Variants in PIK3C2A observed in about 807,000 individuals in gnomAD.
PIK3C2A encodes phosphatidylinositol 4-phosphate 3-kinase C2 domain-containing subunit alpha.
Under a neutral mutation model 204.5 loss-of-function variants are expected in PIK3C2A, and 97 were observed. The observed-to-expected ratio is 0.47, with a 90% CI of 0.40 to 0.56. The LOEUF is 0.56. PIK3C2A is among the 20% of genes least tolerant of loss of function. PIK3C2A has a pLI of 0.00. For missense variants in PIK3C2A, 1,735 were observed against 1,969.2 expected (o/e 0.88, Z 2.25); for synonymous variants, 653 against 664.4 (o/e 0.98, Z 0.26).
intron 22 of PIK3C2A, among the ~76,000 whole-genome samples, chr11:17,105,798 A>G (rs1848791911): frequency 6.6e-6 from 1 of 152,142 alleles, no homozygotes; most frequent in African/African-American, 2.4e-5. Context: ...ACCAGCTAGC[A>G]ATTGTTACCT....
chr11:17,207,976 C>G lies in PIK3C2A; in HGVS notation c.-194G>C, dbSNP rs1310599957. 2 of 152,282 alleles carry G rather than the reference C, an allele frequency of 1.3e-5. No individual in the cohort carries two copies. The highest frequency in any genetic ancestry group is 3.9e-4 in the East Asian group (2 of 5,190). The allele number at this position is 152,282 out of a possible 1,614,324, so 9.4% of individuals were successfully genotyped here. ...TCGGCCGACTCCACAGCCAGCCAAG[C>G]GCAGCACGTCACTTCCGGACAGGGA... is the stretch of plus-strand genomic sequence containing the variant. On this transcript the variant is annotated 5_prime_UTR_variant, in exon 1 of 33. Transcript: ENST00000691414.
At chr11:17,121,560 T>C (rs770384458) in intron 15 of PIK3C2A, among the ~76,000 whole-genome samples, 7 of 152,202 alleles carry the variant, frequency 4.6e-5, no homozygotes, top group Non-Finnish European at 7.3e-5. Flanking sequence ...TTTTGCCAAA[T>C]TGCTCTCCAA....
intron 1 of PIK3C2A, among the ~76,000 whole-genome samples, chr11:17,200,199 G>T (rs1271028334): frequency 6.6e-6 from 1 of 151,296 alleles, no homozygotes; most frequent in Non-Finnish European, 1.5e-5. Flanking sequence ...AAAAAAAAAG[G>T]CATTAGAAAG....
chr11:17,155,439 A>G (rs1850555265), intron 3 of PIK3C2A, 87 bp downstream of exon 3: 1 of 662,894 alleles, frequency 1.5e-6, no homozygotes, highest in East Asian at 2.8e-5. Flanking sequence ...AAAATAATTA[A>G]AATTTTTAAA....
At position 17,157,676 on chromosome 11, in the gene PIK3C2A, T is replaced by A. The variant is rs542447088; in HGVS notation, c.1066-2047A>T. 2.7e-4 allele frequency among the ~76,000 whole-genome samples: 41 copies of A among 152,236 alleles called. No homozygotes were observed. In the South Asian group the frequency reaches 8.5e-3, roughly 32 times the overall value. On this transcript the variant is annotated intron_variant, in intron 2 of 32. Transcript: ENST00000691414. ...TTTCCCTTAGGTTGTGAGAAGTTTG[T>A]TTCTGATTATTTCAAAAAGTTAATA...
intron 22 of PIK3C2A, among the ~76,000 whole-genome samples, chr11:17,106,811 C>T (rs1363551249): frequency 2.6e-5 from 4 of 152,204 alleles, no homozygotes; most frequent in Non-Finnish European, 5.9e-5. Context: ...AAGACACACA[C>T]TGTCCCACTT....
intron 2 of PIK3C2A, among the ~76,000 whole-genome samples, chr11:17,168,135 G>A (rs916341784): frequency 2.6e-5 from 4 of 151,986 alleles, no homozygotes; most frequent in African/African-American, 7.3e-5. Flanking sequence ...CTTCATTAGA[G>A]GCTTTTTATT....
chr11:17,140,943 G>T (rs1271635556), intron 8 of PIK3C2A, among the ~76,000 whole-genome samples: 1 of 152,110 alleles, frequency 6.6e-6, no homozygotes, highest in Non-Finnish European at 1.5e-5. Context: ...GTAAGGGTGA[G>T]CCATGCAAAT....
At position 17,117,549 on chromosome 11, in the gene PIK3C2A, A is replaced by G. The variant is rs755143641; in HGVS notation, c.3158T>C (p.Val1053Ala). 3.3e-5 allele frequency: 53 copies of G among 1,613,924 alleles called. 1 individual carries two copies. The Admixed American group carries it at 8.3e-4, about 25-fold the overall frequency. The change falls in exon 19 of 33, where the codon GTA (valine) becomes GCA (alanine). Residue 1053 changes from valine to alanine, a missense_variant. Val to Ala is a moderately conservative substitution (Grantham distance 64). Around this residue, in one of 6 missense-constraint regions of PIK3C2A, gnomAD observed 567 missense variants for 576.0 expected, o/e 0.98. Transcript: ENST00000691414. The part of the protein sequence containing the change: ...REELLKQTKL[V>A]QLLGGVAEKV... ...TTCTGCTACTCCTCCTAAAAGCTGT[A>G]CAAGTTTCGTCTGTTTTAGAAGTTC... is the stretch of plus-strand genomic sequence containing the variant.
intron 13 of PIK3C2A, among the ~76,000 whole-genome samples, chr11:17,128,710 ATAGAT>A (rs1849600011): frequency 6.6e-6 from 1 of 152,198 alleles, no homozygotes; most frequent in South Asian, 2.1e-4. Context: ...GAAAGGCCAT[ATAGAT>A]TATACTATCC....
At chr11:17,187,861 G>C (rs1851806977) in intron 1 of PIK3C2A, among the ~76,000 whole-genome samples, 1 of 151,982 alleles carries the variant, frequency 6.6e-6, no homozygotes. Flanking sequence ...GTTTGACTTG[G>C]AAAGGAAGAG....
At chr11:17,130,876 G>A (rs1184697501) in intron 12 of PIK3C2A, among the ~76,000 whole-genome samples, 3 of 151,140 alleles carry the variant, frequency 2.0e-5, no homozygotes, top group African/African-American at 4.9e-5. Context: ...ATATCATCTT[G>A]TACATGGATT....
At chr11:17,117,009 G>A (rs1849216191) in intron 19 of PIK3C2A, among the ~76,000 whole-genome samples, 1 of 152,224 alleles carries the variant, frequency 6.6e-6, no homozygotes, top group Non-Finnish European at 1.5e-5. Flanking sequence ...AAAATGGCAT[G>A]TAGTACACAT....
At chr11:17,092,116 C>T (rs1199372615) in intron 29 of PIK3C2A, 43 bp downstream of exon 29, 1 of 1,496,652 alleles carries the variant, frequency 6.7e-7, no homozygotes, top group African/African-American at 1.4e-5. Flanking sequence ...TTATGTAACA[C>T]AAAAGGTATA....
chr11:17,127,730 G>T lies in PIK3C2A; in HGVS notation c.2399+1570C>A, dbSNP rs559547786. On this transcript the variant is annotated intron_variant, in intron 13 of 32. Transcript: ENST00000691414. ...TACTGGCAAATCAAATGGTGTATTTGCCATTTAAGAAGAAAAAGTATTAGA... is the reference window on the plus strand; with the variant it reads ...TACTGGCAAATCAAATGGTGTATTTTCCATTTAAGAAGAAAAAGTATTAGA... Among the ~76,000 whole-genome samples the T allele has an allele frequency of 6.6e-5, 10 of 152,148 alleles. No homozygotes were observed. In the South Asian group the frequency reaches 2.1e-3, roughly 32 times the overall value.
In PIK3C2A at chr11:17,119,770, A is replaced by G. The variant is rs1849314067; in HGVS notation, c.2846+16T>C. The stretch of plus-strand genomic sequence containing the variant: ...ACTGACAATAAAACAAGAGCAAATA[A>G]ATGTATTTGACTTACTTTGAATCAA... On this transcript the variant is annotated intron_variant, in intron 16 of 32. Coordinates refer to ENST00000691414, the MANE Select transcript of PIK3C2A (RefSeq NM_002645.4). The G allele has an allele frequency of 6.8e-7, 1 of 1,465,348 alleles. No individual in the cohort carries two copies. Among genetic ancestry groups the G allele is most frequent in the Non-Finnish European group, 9.2e-7 (1 of 1,088,278 alleles). The allele number at this position is 1,465,348 out of a possible 1,614,324, so 90.8% of individuals were successfully genotyped here. A position where few individuals can be genotyped will look rare whatever the true frequency, so the allele number is the denominator to read the frequency against.
intron 11 of PIK3C2A, among the ~76,000 whole-genome samples, chr11:17,132,983 A>G (rs1017390574): frequency 3.3e-5 from 5 of 152,202 alleles, no homozygotes; most frequent in African/African-American, 7.2e-5. Context: ...ATTCTACTTA[A>G]TCTAACTTAC....
At chr11:17,101,607 C>CTTTTTTTTTT (rs768044410) in intron 24 of PIK3C2A, among the ~76,000 whole-genome samples, 173 bp from the exon 25 acceptor site, 1 of 140,520 alleles carries the variant, frequency 7.1e-6, no homozygotes, top group Non-Finnish European at 1.6e-5. Flanking sequence ...CTTTTTTTTT[C>CTTTTTTTTTT]TTTTTTTTTT....
intron 3 of PIK3C2A, among the ~76,000 whole-genome samples, chr11:17,153,436 CAAA>C (rs926336936): frequency 1.2e-5 from 1 of 86,834 alleles, no homozygotes. Flanking sequence ...AACTCCATTT[CAAA>C]AAAAAAAAAA....
Sources: allele counts gnomAD v4.1 joint callset (sites outside exome capture counted in the v4.1 genomes callset), GRCh38; gene constraint gnomAD v4.1.1; regional missense constraint gnomAD v4.1.1; transcripts MANE v1.5; gene names NCBI Gene and HGNC (gene_info 2026-07-23, HGNC 2026-07-21).